GULP1: variants seen among roughly 807,000 people sequenced by gnomAD.
GULP1 encodes the protein PTB domain-containing engulfment adapter protein 1.
GULP1 carries 19 observed loss-of-function variants against 40.9 expected under a neutral mutation model. The ratio of observed to expected loss-of-function variants is 0.46; its 90% CI spans 0.32 to 0.68. The LOEUF (loss-of-function observed/expected upper bound fraction) is 0.68. GULP1 is among the 30% of genes least tolerant of loss of function. The pLI is 0.03. For missense variants in GULP1, 312 were observed against 362.2 expected, an observed-to-expected ratio of 0.86 and a Z score of 1.12; for synonymous variants, 119 against 117.6, an observed-to-expected ratio of 1.01 and a Z score of -0.08.
chr2:188,569,984 G>GAAA, intron 8 of GULP1, 44 bp from the exon 9 acceptor site: 1 of 668,304 alleles, frequency 1.5e-6, no homozygotes, highest in Admixed American at 2.8e-5. Flanking sequence ...TATTTTCCAA[G>GAAA]AAAAAAAAAA....
At chr2:188,436,898 A>G (rs2057457729) in intron 2 of GULP1, among the ~76,000 whole-genome samples, 1 of 152,104 alleles carries the variant, frequency 6.6e-6, no homozygotes, top group African/African-American at 2.4e-5. Context: ...ATTTCTATCC[A>G]TAGATCTTTT....
intron 2 of GULP1, among the ~76,000 whole-genome samples, chr2:188,468,434 A>G (rs1303645064): frequency 6.6e-6 from 1 of 152,194 alleles, no homozygotes; most frequent in African/African-American, 2.4e-5. Flanking sequence ...CTGTAAATCA[A>G]TAAAGTGTAT....
At chr2:188,580,687 T>G (rs1342979728) in intron 9 of GULP1, among the ~76,000 whole-genome samples, 1 of 152,200 alleles carries the variant, frequency 6.6e-6, no homozygotes, top group Non-Finnish European at 1.5e-5. Context: ...TCCCTCAATT[T>G]AATCTCTCAC....
chr2:188,582,480 G>C (rs777572374), intron 9 of GULP1: 1 of 471,622 alleles, frequency 2.1e-6, no homozygotes, highest in Non-Finnish European at 4.4e-6. Context: ...CCTGATTCCA[G>C]ACTATCACTG....
In GULP1 at chr2:188,352,961, T is replaced by C. The variant is rs144813615; in HGVS notation, c.-171-30802T>C. ...TATAATATATTTCTACTTTAAACCA[T>C]TAAATAAAGTCATTTTCCCTATTGA... On this transcript the variant is annotated intron_variant, in intron 1 of 11. Transcript: ENST00000409830. Among the ~76,000 whole-genome samples the C allele has an allele frequency of 2.8e-3, 420 of 152,162 alleles. 3 individuals carry two copies. Among genetic ancestry groups the C allele is most frequent in the African/African-American group, 9.6e-3 (398 of 41,550 alleles).
rs1357364002 is a variant in GULP1, at chr2:188,292,677, T to C, written c.-172+511T>C. On this transcript the variant is annotated intron_variant, in intron 1 of 11. Transcript: ENST00000409830. The surrounding 1 kb of genome is among the most constrained non-coding windows in gnomAD (Gnocchi z 4.0). ...AACTTCCAGGGCAGCCTCCCTTTTGTTGGCGCTGGGAGAGAATGTGGGCAT... is the reference window on the plus strand; with the variant it reads ...AACTTCCAGGGCAGCCTCCCTTTTGCTGGCGCTGGGAGAGAATGTGGGCAT... The C allele has an allele frequency of 1.3e-5, 2 of 152,718 alleles. 1 individual carries two copies. Among genetic ancestry groups the C allele is most frequent in the Admixed American group, 1.3e-4 (2 of 15,290 alleles). The allele number at this position is 152,718 out of a possible 1,614,324, so 9.5% of individuals were successfully genotyped here. A position where few individuals can be genotyped will look rare whatever the true frequency, so the allele number is the denominator to read the frequency against.
chr2:188,390,323 G>A (rs72909571), intron 2 of GULP1, among the ~76,000 whole-genome samples: 1,851 of 152,090 alleles, frequency 0.012, 16 homozygotes, highest in East Asian at 0.022. Context: ...TTCTTGCAGG[G>A]CATCTCATTG....
intron 5 of GULP1, among the ~76,000 whole-genome samples, chr2:188,525,656 G>A (rs1339645104): frequency 6.6e-6 from 1 of 152,194 alleles, no homozygotes; most frequent in East Asian, 1.9e-4. Context: ...GAGATACCCA[G>A]TGGGCAGCAT....
chr2:188,299,489 C>T (rs1204727698), intron 1 of GULP1, among the ~76,000 whole-genome samples: 1 of 152,190 alleles, frequency 6.6e-6, no homozygotes, highest in Admixed American at 6.5e-5. Flanking sequence ...TTTCCATTCA[C>T]TTAATATACA....
chr2:188,459,799 C>T (rs2059557493), intron 2 of GULP1, among the ~76,000 whole-genome samples: 2 of 152,032 alleles, frequency 1.3e-5, no homozygotes, highest in South Asian at 4.2e-4. Flanking sequence ...AAGTCTTTGC[C>T]TATATTGATT....
intron 10 of GULP1, among the ~76,000 whole-genome samples, chr2:188,584,753 T>C (rs1197220641): frequency 6.6e-6 from 1 of 152,000 alleles, no homozygotes; most frequent in Admixed American, 6.6e-5. Context: ...ATTTTTTACA[T>C]GTTTAATAGA....
intron 2 of GULP1, among the ~76,000 whole-genome samples, chr2:188,474,113 T>C (rs1339908429): frequency 6.6e-6 from 1 of 152,192 alleles, no homozygotes; most frequent in African/African-American, 2.4e-5. Context: ...CTGATAACTC[T>C]GACAGATGCC....
intron 2 of GULP1, among the ~76,000 whole-genome samples, chr2:188,419,311 C>T (rs190965084): frequency 7.2e-5 from 11 of 152,212 alleles, no homozygotes; most frequent in Middle Eastern, 3.4e-3. Context: ...ATTTTGTATT[C>T]CCATCAACAG....
At chr2:188,508,584 C>T (rs1009209078) in intron 4 of GULP1, among the ~76,000 whole-genome samples, 3 of 151,856 alleles carry the variant, frequency 2.0e-5, no homozygotes, top group African/African-American at 7.3e-5. Flanking sequence ...TTGTCAGGAC[C>T]CCACCATATT....
chr2:188,303,494 T>C (rs1194100213), intron 1 of GULP1, among the ~76,000 whole-genome samples: 1 of 152,062 alleles, frequency 6.6e-6, no homozygotes, highest in African/African-American at 2.4e-5. Flanking sequence ...GCAGTGCACT[T>C]GAAGAGAGTT....
intron 2 of GULP1, among the ~76,000 whole-genome samples, chr2:188,400,891 C>A (rs1318780349): frequency 6.7e-6 from 1 of 148,664 alleles, no homozygotes; most frequent in East Asian, 2.0e-4. Flanking sequence ...GATGAAAGTT[C>A]TAGGCTCTGA....
chr2:188,493,915 A>G (rs1400536712), intron 4 of GULP1, among the ~76,000 whole-genome samples: 2 of 151,844 alleles, frequency 1.3e-5, no homozygotes, highest in African/African-American at 4.8e-5. Flanking sequence ...TTACATGACA[A>G]CTCTCAGATC....
At chr2:188,404,331 G>A (rs531576252) in intron 2 of GULP1, among the ~76,000 whole-genome samples, 1 of 152,128 alleles carries the variant, frequency 6.6e-6, no homozygotes, top group Non-Finnish European at 1.5e-5. Context: ...ACTGAGTGTA[G>A]CATAGAAATA....
chr2:188,590,234 A>T (rs1190557568), intron 11 of GULP1: 1 of 152,164 alleles, frequency 6.6e-6, no homozygotes, highest in African/African-American at 2.4e-5. Flanking sequence ...TAGACCTCCC[A>T]AAGTGCTTGG....
Sources: gnomAD v4.1 joint callset for allele counts (sites outside exome capture counted in the v4.1 genomes callset) on GRCh38, gnomAD v4.1.1 for gene constraint, Gnocchi (gnomAD v3.1) non-coding constraint, MANE v1.5 for transcripts, NCBI Gene and HGNC (gene_info 2026-07-23, HGNC 2026-07-21) for gene names.